Variants in TRAPPC9 observed in about 807,000 individuals in gnomAD.
The protein encoded by TRAPPC9 is IKK2 binding protein.
TRAPPC9 carries 83 observed loss-of-function variants against 124.0 expected under a neutral mutation model. The observed-to-expected ratio is 0.67, with a 90% CI of 0.56 to 0.80. TRAPPC9 has a LOEUF of 0.80. TRAPPC9 is among the 30% of genes least tolerant of loss of function. TRAPPC9 has a pLI of 0.00. For synonymous variants in TRAPPC9, 638 were observed against 617.5 expected (o/e 1.03, Z -0.49); for missense variants, 1,302 against 1,508.3 (o/e 0.86, Z 2.27).
intron 21 of TRAPPC9, among the ~76,000 whole-genome samples, chr8:139,841,500 T>C (rs77404068): frequency 0.017 from 2,568 of 152,240 alleles, 68 homozygotes; most frequent in African/African-American, 0.056. Flanking sequence ...AGCTGACCCC[T>C]GAAGTCAGGC....
chr8:139,829,908 C>A (rs73364142), intron 21 of TRAPPC9, among the ~76,000 whole-genome samples: 3,915 of 152,288 alleles, frequency 0.026, 180 homozygotes, highest in African/African-American at 0.087. Context: ...GGGCTGGAAT[C>A]CAGCCACATG....
chr8:140,410,753 G>A (rs981833285), intron 5 of TRAPPC9, among the ~76,000 whole-genome samples: 5 of 151,850 alleles, frequency 3.3e-5, no homozygotes, highest in Non-Finnish European at 4.4e-5. Flanking sequence ...TGAGGCAGGA[G>A]AATGGCGTGA....
chr8:139,950,987 G>A (rs538871324), intron 19 of TRAPPC9, among the ~76,000 whole-genome samples: 1 of 152,320 alleles, frequency 6.6e-6, no homozygotes, highest in South Asian at 2.1e-4. Flanking sequence ...ACAACGCCCT[G>A]CCAAACAGAG....
intron 17 of TRAPPC9, chr8:140,099,139 G>A (rs1012043933): frequency 2.6e-5 from 4 of 151,426 alleles, no homozygotes; most frequent in Non-Finnish European, 4.4e-5. Context: ...GCAGCTGCAG[G>A]AGTGCCGCAG....
rs533327423 is a variant in TRAPPC9 at position 139,771,141 on chromosome 8, A to G, written c.3056-38939T>C. The stretch of plus-strand genomic sequence containing the variant: ...CAGATCCTTTGTGCACCTGCAGGGC[A>G]GGGAACTCCTCCTTCCCAGCCACCT... On this transcript the variant is annotated intron_variant, in intron 21 of 22. Transcript: ENST00000438773. 3.9e-5 allele frequency among the ~76,000 whole-genome samples: 6 copies of G among 152,294 alleles called. 1 individual carries two copies. The South Asian group carries it at 1.2e-3, about 32-fold the overall frequency.
chr8:139,735,538 A>T (rs1818102336), intron 21 of TRAPPC9, among the ~76,000 whole-genome samples: 1 of 152,182 alleles, frequency 6.6e-6, no homozygotes, highest in Admixed American at 6.5e-5. Flanking sequence ...GAGCCTCTTG[A>T]ATAAAAGGTG....
chr8:139,791,579 C>G (rs559243111), intron 21 of TRAPPC9, among the ~76,000 whole-genome samples: 2 of 151,550 alleles, frequency 1.3e-5, no homozygotes, highest in South Asian at 2.1e-4. Flanking sequence ...CTCCCCTGCA[C>G]AGACACACAC....
chr8:139,824,123 G>A (rs928810378), intron 21 of TRAPPC9, among the ~76,000 whole-genome samples: 1 of 152,194 alleles, frequency 6.6e-6, no homozygotes, highest in Non-Finnish European at 1.5e-5. Flanking sequence ...CATTTTACAA[G>A]GGAGAAAGCA....
At chr8:139,746,581 G>C (rs1818909320) in intron 21 of TRAPPC9, among the ~76,000 whole-genome samples, 1 of 152,228 alleles carries the variant, frequency 6.6e-6, no homozygotes, top group Non-Finnish European at 1.5e-5. Context: ...GAGGTGGTCA[G>C]AGCCAGAACA....
chr8:139,876,477 T>G (rs1188935362), intron 21 of TRAPPC9, among the ~76,000 whole-genome samples: 1 of 152,230 alleles, frequency 6.6e-6, no homozygotes, highest in Non-Finnish European at 1.5e-5. Flanking sequence ...TCGCCTCTGC[T>G]TCCGGGACAT....
intron 21 of TRAPPC9, among the ~76,000 whole-genome samples, chr8:139,765,335 C>T (rs1820513614): frequency 6.6e-6 from 1 of 152,238 alleles, no homozygotes; most frequent in South Asian, 2.1e-4. Context: ...CCCCCAGCTA[C>T]AGGGTCACTG....
intron 21 of TRAPPC9, among the ~76,000 whole-genome samples, chr8:139,857,033 C>A (rs1827844173): frequency 6.8e-6 from 1 of 146,330 alleles, no homozygotes; most frequent in African/African-American, 2.6e-5. Context: ...AGTCGGGACG[C>A]CCTGGGAATC....
intron 21 of TRAPPC9, among the ~76,000 whole-genome samples, chr8:139,734,399 C>T (rs148660431): frequency 2.6e-5 from 4 of 152,172 alleles, no homozygotes; most frequent in East Asian, 1.9e-4. Context: ...GAATGTGGCT[C>T]GTGTCCACTG....
At chr8:140,403,564 C>T (rs896901132) in intron 6 of TRAPPC9, among the ~76,000 whole-genome samples, 1 of 151,948 alleles carries the variant, frequency 6.6e-6, no homozygotes, top group Non-Finnish European at 1.5e-5. Context: ...AAATATTTTT[C>T]AAAAATAATA....
At chr8:140,243,116 T>A (rs925826741) in intron 16 of TRAPPC9, among the ~76,000 whole-genome samples, 3 of 152,084 alleles carry the variant, frequency 2.0e-5, no homozygotes, top group African/African-American at 7.2e-5. Flanking sequence ...CAGAAAGGGA[T>A]GTCGAAGAGC....
chr8:139,845,032 G>A (rs530272036), intron 21 of TRAPPC9, among the ~76,000 whole-genome samples: 1 of 152,166 alleles, frequency 6.6e-6, no homozygotes, highest in Non-Finnish European at 1.5e-5. Flanking sequence ...CTCCAGCCCT[G>A]CCCGGATTCA....
chr8:139,941,156 C>G (rs943121425), intron 19 of TRAPPC9, among the ~76,000 whole-genome samples: 1 of 152,212 alleles, frequency 6.6e-6, no homozygotes, highest in Non-Finnish European at 1.5e-5. Context: ...TGGGCAGGCA[C>G]GATTGGCTAG....
chr8:140,261,438 TTCTC>T (rs1563891641), intron 15 of TRAPPC9, among the ~76,000 whole-genome samples: 1 of 152,214 alleles, frequency 6.6e-6, no homozygotes. Flanking sequence ...GAGATCAGGC[TTCTC>T]TCTATCTGAA....
intron 19 of TRAPPC9, among the ~76,000 whole-genome samples, chr8:139,918,519 G>A (rs1048776964): frequency 3.3e-5 from 5 of 152,198 alleles, no homozygotes; most frequent in African/African-American, 9.6e-5. Context: ...TGAGCAAACC[G>A]GCCAGAGCGA....
Sources: gnomAD v4.1 joint callset for allele counts (sites outside exome capture counted in the v4.1 genomes callset) on GRCh38, gnomAD v4.1.1 for gene constraint, MANE v1.5 for transcripts, NCBI Gene and HGNC (gene_info 2026-07-23, HGNC 2026-07-21) for gene names.